EHMT1: variants seen among roughly 807,000 people sequenced by gnomAD.
EHMT1 encodes histone-lysine N-methyltransferase EHMT1.
In EHMT1, 15 loss-of-function variants were observed where a neutral mutation model predicts 147.2. The observed-to-expected ratio is 0.10, with a 90% CI of 0.07 to 0.16. EHMT1 has a LOEUF of 0.16. Among genes scored for constraint, EHMT1 ranks in the 10% least tolerant of loss-of-function variants. The pLI is 1.00. For synonymous variants in EHMT1, 795 were observed against 709.6 expected (o/e 1.12, Z -1.91); for missense variants, 1,587 against 1,772.4 (o/e 0.90, Z 1.88).
chr9:137,725,253 ATGTGGCCTTCG>A (rs1301080506), intron 3 of EHMT1, among the ~76,000 whole-genome samples: 1 of 138,544 alleles, frequency 7.2e-6, no homozygotes, highest in Non-Finnish European at 1.6e-5. Context: ...TGGGGCAGAC[ATGTGGCCTTCG>A]TGTGGCATTC....
At chr9:137,757,190 T>C (rs996399467) in intron 8 of EHMT1, among the ~76,000 whole-genome samples, 2 of 152,246 alleles carry the variant, frequency 1.3e-5, no homozygotes, top group African/African-American at 4.8e-5. Context: ...TGGCCACCAC[T>C]CGTGTGTCCT....
Position 137,782,690 on chromosome 9 carries a change from G to C in EHMT1, c.2382+293G>C, listed in dbSNP as rs930150824. Among the ~76,000 whole-genome samples, 2 of 152,112 alleles carry C rather than the reference G, an allele frequency of 1.3e-5. No individual in the cohort carries two copies. Among genetic ancestry groups the C allele is most frequent in the African/African-American group, 4.8e-5 (2 of 41,408 alleles). On this transcript the variant is annotated intron_variant, in intron 15 of 26. Coordinates refer to ENST00000460843, the MANE Select transcript of EHMT1 (RefSeq NM_024757.5). The surrounding 1 kb of genome is among the most constrained non-coding windows in gnomAD (Gnocchi z 5.7). ...TTCACACTCATGACGTCCCTCTGGG[G>C]GAGCCAAGCACTCGCAGAGGCACGG...
intron 1 of EHMT1, among the ~76,000 whole-genome samples, chr9:137,645,084 G>A (rs1410730849): frequency 6.6e-6 from 1 of 152,096 alleles, no homozygotes; most frequent in African/African-American, 2.4e-5. Context: ...TGTTGGCCAG[G>A]CTGCTCTCGA....
intron 25 of EHMT1, among the ~76,000 whole-genome samples, chr9:137,831,819 C>T (rs1434709706): frequency 2.0e-5 from 3 of 152,234 alleles, no homozygotes; most frequent in African/African-American, 4.8e-5. Context: ...TTCTCTTCTG[C>T]GTGGGCCTTG....
At chr9:137,683,446 G>A (rs1301459976) in intron 1 of EHMT1, among the ~76,000 whole-genome samples, 1 of 152,204 alleles carries the variant, frequency 6.6e-6, no homozygotes, top group Non-Finnish European at 1.5e-5. Context: ...GTGTGAATAT[G>A]TGAATTAATT....
At position 137,792,143 on chromosome 9, in the gene EHMT1, C is replaced by G. The variant is rs753642393; in HGVS notation, c.2505+1173C>G. The G allele has an allele frequency of 1.5e-5, 7 of 467,636 alleles. No homozygotes were observed. The East Asian group carries it at 4.9e-4, about 32-fold the overall frequency. The allele number at this position is 467,636 out of a possible 1,614,324, so 29.0% of individuals were successfully genotyped here. A position where few individuals can be genotyped will look rare whatever the true frequency, so the allele number is the denominator to read the frequency against. On this transcript the variant is annotated intron_variant, in intron 16 of 26. Coordinates refer to ENST00000460843, the MANE Select transcript of EHMT1 (RefSeq NM_024757.5). ...TGAAAGAACAGAGTTGGAGAACTCA[C>G]ACTTGCTGATTTCAAAACTTACTAT...
In EHMT1 at chr9:137,777,130, C is replaced by T. The variant is rs1379496236; in HGVS notation, c.2018+286C>T. The T allele has an allele frequency of 3.8e-5, 16 of 422,050 alleles. No homozygotes were observed. In the Admixed American group the frequency reaches 4.2e-4, roughly 11 times the overall value. The allele number at this position is 422,050 out of a possible 1,614,324, so 26.1% of individuals were successfully genotyped here. ...GTGGTGTTTCTGTTGATGGCACAGT[C>T]CTGTTGGTACACAAGCGATAGACGA... On this transcript the variant is annotated intron_variant, in intron 12 of 26. Transcript: ENST00000460843.
At chr9:137,834,211 C>A in intron 25 of EHMT1, 138 bp from the exon 26 acceptor site, 1 of 1,144,316 alleles carries the variant, frequency 8.7e-7, no homozygotes, top group Non-Finnish European at 1.2e-6. Context: ...CGCCACAGGT[C>A]ACTGGAGAAG....
chr9:137,711,322 A>G (rs1407929166), intron 2 of EHMT1, among the ~76,000 whole-genome samples: 7 of 152,230 alleles, frequency 4.6e-5, no homozygotes, highest in Admixed American at 4.6e-4. Flanking sequence ...AAATGTTTAT[A>G]GCAGCATTGT....
At chr9:137,701,821 T>C (rs1943863380) in intron 1 of EHMT1, among the ~76,000 whole-genome samples, 1 of 150,258 alleles carries the variant, frequency 6.7e-6, no homozygotes, top group Non-Finnish European at 1.5e-5. Context: ...GAGACGGAGT[T>C]TTGCTTTTGT....
chr9:137,667,258 T>C (rs1189997684), intron 1 of EHMT1: 2 of 152,272 alleles, frequency 1.3e-5, no homozygotes, highest in Non-Finnish European at 2.9e-5. Context: ...AGGAATGTTT[T>C]TGAACACCTG....
intron 15 of EHMT1, chr9:137,789,067 C>CT (rs1347004265): frequency 6.6e-6 from 1 of 152,550 alleles, no homozygotes; most frequent in Non-Finnish European, 1.5e-5. Context: ...GCCCTGTGTT[C>CT]TCATGGGCGG....
In EHMT1 at chr9:137,834,961, C is replaced by G. The variant is rs1956500913; in HGVS notation, c.*8C>G. 7.1e-7 allele frequency: 1 copy of G among 1,416,204 alleles called. No homozygotes were observed. The highest frequency in any genetic ancestry group is 9.1e-7 in the Non-Finnish European group (1 of 1,093,744). The allele number at this position is 1,416,204 out of a possible 1,614,324, so 87.7% of individuals were successfully genotyped here. ...GCCGCCGACCCCCTATGAGACGCCG[C>G]CGGCCAGCGGGGCGCTCGGGAGCCA... On this transcript the variant is annotated 3_prime_UTR_variant, in exon 27 of 27. Coordinates refer to ENST00000460843, the MANE Select transcript of EHMT1 (RefSeq NM_024757.5).
At chr9:137,668,465 C>T (rs1939953375) in intron 1 of EHMT1, among the ~76,000 whole-genome samples, 1 of 152,190 alleles carries the variant, frequency 6.6e-6, no homozygotes. Flanking sequence ...CCACATCCAT[C>T]TATTCACCAA....
At chr9:137,658,371 G>A (rs575388914) in intron 1 of EHMT1, among the ~76,000 whole-genome samples, 9 of 152,130 alleles carry the variant, frequency 5.9e-5, no homozygotes, top group East Asian at 5.8e-4. Context: ...GGCTGGTGTC[G>A]AACGCCTGAG....
intron 16 of EHMT1, among the ~76,000 whole-genome samples, chr9:137,796,344 G>A (rs372276624): frequency 2.0e-5 from 3 of 152,204 alleles, no homozygotes; most frequent in South Asian, 4.1e-4. Flanking sequence ...ACACGAACAG[G>A]CAGTCTAAAA....
rs569084946 is a variant in EHMT1 at position 137,658,912 on chromosome 9, A to G, written c.21+39863A>G. Among the ~76,000 whole-genome samples, 3 of 152,250 alleles carry G rather than the reference A, an allele frequency of 2.0e-5. No homozygotes were observed. The East Asian group carries it at 5.8e-4, about 29-fold the overall frequency. On this transcript the variant is annotated intron_variant, in intron 1 of 26. Transcript: ENST00000460843. ...AGTGCTGGGATTATAGGCATGAGCT[A>G]CTGTGCCAGCCCAGGAACACTTCTG...
rs535627898 is a variant in EHMT1 at position 137,773,867 on chromosome 9, T to TG, written c.1648-1235dup. Reference sequence around the variant, plus strand: ...TGCCACTCAATTATTTGCTTATTTTTGGGGGGGCTACTTCTTGTTTTCTTA... The same window carrying TG: ...TGCCACTCAATTATTTGCTTATTTTTGGGGGGGGCTACTTCTTGTTTTCTTA... On this transcript the variant is annotated intron_variant, in intron 10 of 26. Transcript: ENST00000460843. Among the ~76,000 whole-genome samples, 22 of 152,284 alleles carry TG rather than the reference T, an allele frequency of 1.4e-4. No homozygotes were observed. In the East Asian group the frequency reaches 2.7e-3, roughly 19 times the overall value.
intron 1 of EHMT1, among the ~76,000 whole-genome samples, chr9:137,652,877 C>T (rs1215807260): frequency 6.6e-6 from 1 of 151,858 alleles, no homozygotes; most frequent in Admixed American, 6.6e-5. Flanking sequence ...AGACACCTGC[C>T]ACCACACCTG....
Sources: allele counts gnomAD v4.1 joint callset (sites outside exome capture counted in the v4.1 genomes callset), GRCh38; gene constraint gnomAD v4.1.1; non-coding constraint Gnocchi (gnomAD v3.1); transcripts MANE v1.5; gene names NCBI Gene and HGNC (gene_info 2026-07-23, HGNC 2026-07-21).